USP39: variants seen among roughly 807,000 people sequenced by gnomAD.
USP39 encodes ubiquitin carboxyl-terminal hydrolase 39.
Under a neutral mutation model 66.4 loss-of-function variants are expected in USP39, and 38 were observed. That is an observed-to-expected ratio of 0.57 (90% CI 0.44 to 0.75). The LOEUF (loss-of-function observed/expected upper bound fraction) is 0.75, where lower values mean the gene tolerates loss of function less well. USP39 is among the 30% of genes least tolerant of loss of function. The probability of loss-of-function intolerance (pLI) is 0.00; values close to 1 mark genes in which losing one functional copy is unlikely to be tolerated. For missense variants in USP39, 608 were observed against 714.4 expected, an observed-to-expected ratio of 0.85 and a Z score of 1.70; for synonymous variants, 303 against 274.6, an observed-to-expected ratio of 1.10 and a Z score of -1.02.
chr2:85,625,749 T>C (rs1352345791), intron 5 of USP39, 58 bp downstream of exon 5: 7 of 1,583,152 alleles, frequency 4.4e-6, no homozygotes, highest in Non-Finnish European at 6.0e-6. Context: ...CTGAGCACAG[T>C]GGCTCACCCC....
chr2:85,633,246 G>A (rs1035583706), intron 6 of USP39, among the ~76,000 whole-genome samples: 2 of 151,784 alleles, frequency 1.3e-5, no homozygotes, highest in South Asian at 4.2e-4. Context: ...TCAGCCTCCC[G>A]AGTAGCTGGG....
At chr2:85,629,866 G>C (rs1194215511) in intron 5 of USP39, among the ~76,000 whole-genome samples, 1 of 151,800 alleles carries the variant, frequency 6.6e-6, no homozygotes, top group Non-Finnish European at 1.5e-5. Context: ...GGTGGCTTAG[G>C]CATGAGAATT....
intron 7 of USP39, 145 bp downstream of exon 7, chr2:85,636,275 C>T: frequency 2.9e-6 from 2 of 700,596 alleles, no homozygotes; most frequent in South Asian, 1.8e-5. Context: ...TGAGACCGGC[C>T]TGGCCAACAT....
In USP39 at chr2:85,630,802, A is replaced by G. The variant is rs1675262721; in HGVS notation, c.805A>G (p.Ile269Val). ...YKNIKRPPGDIMFLLVQRFGE... is the reference protein window; with the variant it reads ...YKNIKRPPGDVMFLLVQRFGE... Reference sequence around the variant, plus strand: ...GAACATCAAACGTCCTCCAGGGGATATCATGTTCTTGTTGGTCCAGCGTTT... The same window carrying G: ...GAACATCAAACGTCCTCCAGGGGATGTCATGTTCTTGTTGGTCCAGCGTTT... Residue 269 changes from isoleucine (I) to valine (V), a missense_variant, in exon 6 of 13, where the codon ATC becomes GTC. Physicochemically the swap from Ile to Val is conservative, Grantham distance 29. Coordinates refer to ENST00000323701, the MANE Select transcript of USP39 (RefSeq NM_006590.4). 15 of 1,614,056 alleles carry G rather than the reference A, an allele frequency of 9.3e-6. No individual in the cohort carries two copies. Among genetic ancestry groups the G allele is most frequent in the Non-Finnish European group, 1.2e-5 (14 of 1,180,040 alleles).
chr2:85,639,394 A>G lies in USP39; in HGVS notation c.1284+3A>G. The stretch of plus-strand genomic sequence containing the variant: ...AGTTCAATGGCATCACTGAGAAGGT[A>G]GCCCATTAACACACCTGCCCTGCCT... On this transcript the variant is annotated splice_donor_region_variant and intron_variant, in intron 9 of 12. Transcript: ENST00000323701. 6.2e-7 allele frequency: 1 copy of G among 1,612,682 alleles called. No homozygotes were observed. Among genetic ancestry groups the G allele is most frequent in the Non-Finnish European group, 8.5e-7 (1 of 1,179,440 alleles).
At chr2:85,611,725 G>C (rs1168978266), upstream of USP39, 2 of 1,604,964 alleles carry the variant, frequency 1.2e-6, no homozygotes, top group African/African-American at 1.3e-5. Context: ...GTCGGCGCGG[G>C]CGTGTGCCGC....
intron 5 of USP39, among the ~76,000 whole-genome samples, chr2:85,629,341 G>A (rs72846619): frequency 0.059 from 8,891 of 150,770 alleles, 377 homozygotes; most frequent in Non-Finnish European, 0.095. Context: ...GATTATAGAC[G>A]TGAACCATCG....
At chr2:85,617,516 CGAG>C (rs1460256837) in intron 1 of USP39, among the ~76,000 whole-genome samples, 14 of 152,060 alleles carry the variant, frequency 9.2e-5, no homozygotes, top group Admixed American at 6.6e-4. Flanking sequence ...CCCTACAAAA[CGAG>C]GAGACAAGGG....
chr2:85,617,183 G>T (rs1302284846), intron 1 of USP39, among the ~76,000 whole-genome samples: 3 of 136,160 alleles, frequency 2.2e-5, no homozygotes, highest in Non-Finnish European at 4.7e-5. Context: ...CGAACTCCTG[G>T]ACTCAAGTGT....
chr2:85,647,897 G>A (rs1283854505), intron 11 of USP39, 33 bp from the exon 12 acceptor site: 3 of 1,610,612 alleles, frequency 1.9e-6, no homozygotes, highest in Non-Finnish European at 2.5e-6. Flanking sequence ...GTTTTAGAGA[G>A]CAGACTAACC....
intron 11 of USP39, 75 bp downstream of exon 11, chr2:85,645,158 C>G: frequency 6.3e-7 from 1 of 1,595,132 alleles, no homozygotes; most frequent in Non-Finnish European, 8.6e-7. Context: ...GAGGGCAGCT[C>G]CCTTCAGTGT....
rs1276941470 is a variant in USP39 at position 85,623,708 on chromosome 2, A to C, written c.496A>C (p.Asn166His). ...CCAGTTTAGCCACCATGTTTTCCTC[A>C]ACCTCCACACCCTCAAGTTTTACTG... ...SVQFSHHVFL[N>H]LHTLKFYCLP... Residue 166 changes from asparagine to histidine, a missense_variant, in exon 4 of 13, where the codon AAC (asparagine) becomes CAC (histidine). Coordinates refer to ENST00000323701, the MANE Select transcript of USP39 (RefSeq NM_006590.4). 6.2e-7 allele frequency: 1 copy of C among 1,613,840 alleles called. No individual in the cohort carries two copies. The highest frequency in any genetic ancestry group is 1.3e-5 in the African/African-American group (1 of 74,874).
chr2:85,637,551 C>A, intron 8 of USP39, 115 bp downstream of exon 8: 1 of 1,095,688 alleles, frequency 9.1e-7, no homozygotes, highest in Non-Finnish European at 1.4e-6. Context: ...AGAGGTTCAA[C>A]AAAGCACCTG....
At chr2:85,636,188 T>G in intron 7 of USP39, 58 bp downstream of exon 7, 2 of 1,513,566 alleles carry the variant, frequency 1.3e-6, no homozygotes, top group South Asian at 2.3e-5. Context: ...AACTTTGCGG[T>G]CGGTCGCAAT....
upstream of USP39, chr2:85,609,485 A>G: frequency 3.7e-6 from 6 of 1,614,220 alleles, no homozygotes; most frequent in Non-Finnish European, 5.1e-6. Context: ...TCGTATTCTA[A>G]GCAGAAGAGC....
intron 1 of USP39, among the ~76,000 whole-genome samples, chr2:85,605,176 T>C (rs1314222560): frequency 1.3e-5 from 2 of 151,490 alleles, no homozygotes; most frequent in African/African-American, 2.4e-5. Context: ...GACTCGGTGG[T>C]GGAATGACTT....
chr2:85,604,646 T>G (rs1673153371), intron 1 of USP39, among the ~76,000 whole-genome samples: 1 of 152,252 alleles, frequency 6.6e-6, no homozygotes, highest in South Asian at 2.1e-4. Flanking sequence ...CACCTGCCGC[T>G]GGCTATGCTT....
At chr2:85,614,868 G>A (rs1210176303), upstream of USP39, among the ~76,000 whole-genome samples, 1 of 152,198 alleles carries the variant, frequency 6.6e-6, no homozygotes, top group African/African-American at 2.4e-5. Flanking sequence ...TCCTGGGAAT[G>A]CAGCCTGTCA....
rs549435275 is a variant in USP39 at position 85,627,838 on chromosome 2, T to G, written c.723+2147T>G. Among the ~76,000 whole-genome samples the G allele has an allele frequency of 2.0e-5, 3 of 152,168 alleles. No homozygotes were observed. In the East Asian group the frequency reaches 5.8e-4, roughly 29 times the overall value. ...CTAAAGTTAATTATTTGTATTTTTT[T>G]CTTGAGTTATTGGGCCTTACAGACT... On this transcript the variant is annotated intron_variant, in intron 5 of 12. Transcript: ENST00000323701.
Sources: allele counts gnomAD v4.1 joint callset (sites outside exome capture counted in the v4.1 genomes callset), GRCh38; gene constraint gnomAD v4.1.1; transcripts MANE v1.5; gene names NCBI Gene and HGNC (gene_info 2026-07-23, HGNC 2026-07-21).